Variants in SEMA3A observed in about 807,000 individuals in gnomAD.
The protein encoded by SEMA3A is semaphorin 3A.
A neutral mutation model predicts 97.9 loss-of-function variants in SEMA3A; 29 were observed. That is an observed-to-expected ratio of 0.30 (90% confidence interval 0.22 to 0.40). The LOEUF (loss-of-function observed/expected upper bound fraction) is 0.40, where lower values mean the gene tolerates loss of function less well. Ranked by LOEUF, SEMA3A falls within the 10% of genes least tolerant of loss-of-function variation. SEMA3A has a pLI of 1.00. For missense variants in SEMA3A, 763 were observed against 951.3 expected, an observed-to-expected ratio of 0.80 and a Z score of 2.60; for synonymous variants, 321 against 323.7, an observed-to-expected ratio of 0.99 and a Z score of 0.09.
Position 83,958,721 on chromosome 7 carries a change from A to C in SEMA3A, c.*2650T>G, listed in dbSNP as rs969125369. The C allele has an allele frequency of 6.6e-6, 1 of 152,420 alleles. No individual in the cohort carries two copies. Among genetic ancestry groups the C allele is most frequent in the Non-Finnish European group, 1.5e-5 (1 of 67,932 alleles). The allele number at this position is 152,420 out of a possible 1,614,324, so 9.4% of individuals were successfully genotyped here. A position where few individuals can be genotyped will look rare whatever the true frequency, so the allele number is the denominator to read the frequency against. On this transcript the variant is annotated 3_prime_UTR_variant, in exon 17 of 17. Coordinates refer to ENST00000265362, the MANE Select transcript of SEMA3A (RefSeq NM_006080.3). ...GTAGCAAAAATATTAAACACATACC[A>C]CTGCAAATTACTAAATAATACATAA...
At position 84,271,122 on chromosome 7, in the gene SEMA3A, T is replaced by C. The variant is rs142418605; in HGVS notation, c.-83+36085A>G. Among the ~76,000 whole-genome samples, 136 of 152,194 alleles carry C rather than the reference T, an allele frequency of 8.9e-4. 4 individuals are homozygous for C. In the East Asian group the frequency reaches 0.025, roughly 28 times the overall value. ...CAATATCATCTTTCTAATCACAATC[T>C]GTTTTCTTCTTTTCTCTCTCTTTTT... On this transcript the variant is annotated intron_variant, in intron 3 of 3. Transcript: ENST00000424555.
intron 1 of SEMA3A, among the ~76,000 whole-genome samples, chr7:84,378,503 G>A (rs1562925942): frequency 6.6e-6 from 1 of 152,064 alleles, no homozygotes; most frequent in African/African-American, 2.4e-5. Context: ...AGTGGGAGCT[G>A]AACAAGGAGA....
chr7:84,082,401 G>C (rs1479371504), intron 4 of SEMA3A, among the ~76,000 whole-genome samples: 3 of 152,052 alleles, frequency 2.0e-5, no homozygotes, highest in Non-Finnish European at 1.5e-5. Context: ...TAAGAAAGGA[G>C]TACAAAAGAA....
intron 6 of SEMA3A, among the ~76,000 whole-genome samples, chr7:84,037,044 C>A (rs565508180): frequency 6.6e-6 from 1 of 151,996 alleles, no homozygotes; most frequent in Admixed American, 6.6e-5. Flanking sequence ...TGACAAAAAT[C>A]TCATCAGGAA....
intron 2 of SEMA3A, among the ~76,000 whole-genome samples, chr7:84,324,540 T>C (rs191579357): frequency 6.6e-6 from 1 of 152,150 alleles, no homozygotes; most frequent in Non-Finnish European, 1.5e-5. Context: ...ACAAATGCTG[T>C]TTTGGCTGAT....
At chr7:84,127,809 T>C (rs796337548) in intron 3 of SEMA3A, among the ~76,000 whole-genome samples, 5 of 152,326 alleles carry the variant, frequency 3.3e-5, no homozygotes, top group African/African-American at 1.2e-4. Context: ...TGAAAATATC[T>C]ATGTATCTAT....
intron 1 of SEMA3A, among the ~76,000 whole-genome samples, chr7:84,411,233 T>A (rs1282666664): frequency 1.3e-5 from 2 of 152,044 alleles, no homozygotes; most frequent in Admixed American, 6.6e-5. Flanking sequence ...CCACTTGGGA[T>A]TTTTTATAAT....
intron 1 of SEMA3A, among the ~76,000 whole-genome samples, chr7:84,145,448 A>T (rs1796434912): frequency 6.6e-6 from 1 of 152,196 alleles, no homozygotes; most frequent in South Asian, 2.1e-4. Flanking sequence ...GAAAAAGTAA[A>T]TATAAAAATA....
chr7:84,274,687 C>T (rs939047071), intron 3 of SEMA3A, among the ~76,000 whole-genome samples: 1 of 151,816 alleles, frequency 6.6e-6, no homozygotes, highest in Non-Finnish European at 1.5e-5. Context: ...TAAAATACCC[C>T]AAAGATACGT....
intron 1 of SEMA3A, among the ~76,000 whole-genome samples, chr7:84,374,977 G>A (rs1257032165): frequency 2.6e-5 from 4 of 152,020 alleles, no homozygotes; most frequent in African/African-American, 9.6e-5. Flanking sequence ...AGCATAAATT[G>A]GTACTTCAAA....
At chr7:84,413,214 T>C (rs1436550786) in intron 1 of SEMA3A, among the ~76,000 whole-genome samples, 1 of 152,132 alleles carries the variant, frequency 6.6e-6, no homozygotes, top group Non-Finnish European at 1.5e-5. Flanking sequence ...AGAATAATGG[T>C]TCTATTGCCA....
chr7:84,240,550 G>T (rs909324863), intron 3 of SEMA3A, among the ~76,000 whole-genome samples: 1 of 152,170 alleles, frequency 6.6e-6, no homozygotes, highest in African/African-American at 2.4e-5. Flanking sequence ...TTCAGAAATT[G>T]GAAGAGGCAA....
chr7:84,115,838 T>C (rs1172530777), intron 3 of SEMA3A, among the ~76,000 whole-genome samples: 1 of 152,210 alleles, frequency 6.6e-6, no homozygotes, highest in Non-Finnish European at 1.5e-5. Context: ...TCCAATTTTA[T>C]GCAAGGTGCT....
chr7:84,285,382 G>A (rs1167359550), intron 3 of SEMA3A, among the ~76,000 whole-genome samples: 9 of 152,070 alleles, frequency 5.9e-5, no homozygotes, highest in Admixed American at 1.3e-4. Flanking sequence ...AAAAAAATAT[G>A]TGCACATATA....
intron 3 of SEMA3A, among the ~76,000 whole-genome samples, chr7:84,262,825 T>C (rs2115667842): frequency 6.6e-6 from 1 of 152,314 alleles, no homozygotes; most frequent in South Asian, 2.1e-4. Flanking sequence ...CAGTCTTACA[T>C]GTCAGATGAA....
chr7:84,038,411 ATTT>A (rs777409963), intron 6 of SEMA3A, among the ~76,000 whole-genome samples: 2 of 152,066 alleles, frequency 1.3e-5, no homozygotes, highest in South Asian at 2.1e-4. Flanking sequence ...CATCAATTGA[ATTT>A]TTTTATTTTT....
intron 14 of SEMA3A, among the ~76,000 whole-genome samples, chr7:83,980,639 T>TATATATATATAC (rs376148779): frequency 1.7e-4 from 15 of 88,440 alleles, no homozygotes; most frequent in African/African-American, 6.0e-4. Context: ...TATATATATA[T>TATATATATATAC]ACACACACAC....
intron 3 of SEMA3A, among the ~76,000 whole-genome samples, chr7:84,283,567 G>A (rs1704491801): frequency 6.6e-6 from 1 of 150,448 alleles, no homozygotes. Flanking sequence ...GATTGCATGT[G>A]GCAAAAAAAA....
At chr7:84,404,957 C>A (rs1228122356) in intron 1 of SEMA3A, among the ~76,000 whole-genome samples, 1 of 152,166 alleles carries the variant, frequency 6.6e-6, no homozygotes, top group Admixed American at 6.5e-5. Context: ...ATTGTAAAGA[C>A]CATCAAGGCT....
Sources: allele counts gnomAD v4.1 joint callset (sites outside exome capture counted in the v4.1 genomes callset), GRCh38; gene constraint gnomAD v4.1.1; transcripts MANE v1.5; gene names NCBI Gene and HGNC (gene_info 2026-07-23, HGNC 2026-07-21).